Variants in DMD observed in about 807,000 individuals in gnomAD.
DMD encodes dystrophin.
A neutral mutation model predicts 330.1 loss-of-function variants in DMD; 63 were observed. That is an observed-to-expected ratio of 0.19 (90% confidence interval 0.16 to 0.24). The LOEUF is 0.24. Ranked by LOEUF, DMD falls within the 10% of genes least tolerant of loss-of-function variation. The pLI is 1.00. For missense variants in DMD, 3,344 were observed against 2,684.1 expected, an observed-to-expected ratio of 1.25 and a Z score of -5.43; for synonymous variants, 1,223 against 959.8, an observed-to-expected ratio of 1.27 and a Z score of -5.07.
chrX:33,131,514 T>C (rs1010236018), intron 1 of DMD, among the ~76,000 whole-genome samples: 1 of 111,514 alleles, frequency 9.0e-6, no homozygotes, highest in African/African-American at 3.3e-5. Flanking sequence ...ACTTAGGCCT[T>C]TGCACATTTA....
chrX:32,054,781 T>C (rs1009387366), intron 44 of DMD, among the ~76,000 whole-genome samples: 2 of 103,999 alleles, frequency 1.9e-5, no homozygotes, highest in South Asian at 4.7e-4. Context: ...TTTAATAGTA[T>C]TATGTATTCT....
rs765549602 is a variant in DMD, at chrX:33,282,264, T to C, written c.7+56995A>G. Among the ~76,000 whole-genome samples, 3 of 112,028 alleles carry C rather than the reference T, an allele frequency of 2.7e-5. No homozygotes were observed. The East Asian group carries it at 8.5e-4, about 32-fold the overall frequency. On this transcript the variant is annotated intron_variant, in intron 1 of 17. Transcript: ENST00000288447. ...TTCCTGTCGGAAAAGAGAGCCTCAG[T>C]TCTGCAGGTATGAAGAGGCTTCAGT...
chrX:31,939,537 T>C (rs2094965460), intron 45 of DMD, among the ~76,000 whole-genome samples: 1 of 111,795 alleles, frequency 8.9e-6, no homozygotes, highest in Non-Finnish European at 1.9e-5. Context: ...GGCGAGTTCC[T>C]TAATCTCTTT....
chrX:31,145,617 C>T (rs1412991827), intron 76 of DMD, among the ~76,000 whole-genome samples: 1 of 110,167 alleles, frequency 9.1e-6, no homozygotes, highest in Non-Finnish European at 1.9e-5. Context: ...TCCCTTCATT[C>T]CTCTTCTTAC....
intron 64 of DMD, among the ~76,000 whole-genome samples, chrX:31,222,470 A>C (rs2046207484): frequency 1.8e-5 from 2 of 109,273 alleles, no homozygotes; most frequent in Admixed American, 9.7e-5. Flanking sequence ...TCATCAATGC[A>C]CACAGACCCT....
chrX:31,971,731 A>T (rs1824798380), intron 44 of DMD, among the ~76,000 whole-genome samples: 1 of 112,043 alleles, frequency 8.9e-6, no homozygotes, highest in African/African-American at 3.2e-5. Context: ...AATCAACTTT[A>T]TTCACACAGT....
intron 1 of DMD, among the ~76,000 whole-genome samples, chrX:33,250,882 T>A (rs1446383048): frequency 4.5e-5 from 5 of 111,071 alleles, no homozygotes; most frequent in African/African-American, 1.6e-4. Flanking sequence ...GCAAAAAAGA[T>A]GTCAAATATT....
At chrX:31,609,770 C>T (rs1199275791) in intron 55 of DMD, among the ~76,000 whole-genome samples, 2 of 111,539 alleles carry the variant, frequency 1.8e-5, no homozygotes, top group Non-Finnish European at 3.8e-5. Flanking sequence ...TTCAACTCCT[C>T]TGCCCCTACC....
chrX:32,107,468 A>G (rs1269694841), intron 44 of DMD, among the ~76,000 whole-genome samples: 1 of 108,319 alleles, frequency 9.2e-6, no homozygotes, highest in Non-Finnish European at 1.9e-5. Context: ...AGGGTGAACA[A>G]GCAAGCTGGA....
intron 51 of DMD, among the ~76,000 whole-genome samples, chrX:31,740,401 A>G (rs1187841936): frequency 1.8e-5 from 2 of 111,977 alleles, no homozygotes; most frequent in African/African-American, 6.5e-5. Flanking sequence ...CATAAGTGAT[A>G]TAATTTTTTC....
intron 9 of DMD, among the ~76,000 whole-genome samples, chrX:32,665,554 T>C (rs7052510): frequency 3.2e-3 from 363 of 112,241 alleles, no homozygotes; most frequent in African/African-American, 0.011. Flanking sequence ...GTATCAACTA[T>C]GTATTAATCA....
intron 60 of DMD, among the ~76,000 whole-genome samples, chrX:31,359,544 CAAT>C (rs1370924071): frequency 8.9e-6 from 1 of 112,352 alleles, no homozygotes; most frequent in African/African-American, 3.2e-5. Flanking sequence ...ACACTACCAA[CAAT>C]GACAGTAATA....
At chrX:31,622,885 C>T (rs1603429340) in intron 55 of DMD, among the ~76,000 whole-genome samples, 1 of 102,290 alleles carries the variant, frequency 9.8e-6, no homozygotes, top group East Asian at 3.1e-4. Context: ...TATACACACA[C>T]ACACACACAC....
intron 5 of DMD, among the ~76,000 whole-genome samples, chrX:32,818,272 A>G (rs1157997857): frequency 8.9e-6 from 1 of 112,011 alleles, no homozygotes; most frequent in African/African-American, 3.2e-5. Flanking sequence ...AAAGGACAAC[A>G]AAGTATTCAA....
chrX:31,762,439 C>G (rs2089672729), intron 51 of DMD, among the ~76,000 whole-genome samples: 1 of 110,831 alleles, frequency 9.0e-6, no homozygotes, highest in African/African-American at 3.3e-5. Flanking sequence ...CGTGGTGGTG[C>G]GTTCCCGTAA....
At chrX:32,388,494 C>T (rs1392098666) in intron 32 of DMD, among the ~76,000 whole-genome samples, 1 of 109,031 alleles carries the variant, frequency 9.2e-6, no homozygotes, top group Non-Finnish European at 1.9e-5. Context: ...CACTAAAATG[C>T]AGCTTGAATT....
intron 44 of DMD, among the ~76,000 whole-genome samples, chrX:32,117,934 G>C (rs561049911): frequency 2.7e-5 from 3 of 111,139 alleles, no homozygotes; most frequent in African/African-American, 9.8e-5. Context: ...ATCTCAGAGG[G>C]CATGTGGAGC....
intron 44 of DMD, among the ~76,000 whole-genome samples, chrX:32,107,801 T>C (rs1378414796): frequency 9.0e-6 from 1 of 111,292 alleles, no homozygotes; most frequent in Non-Finnish European, 1.9e-5. Flanking sequence ...CTGGGCACCT[T>C]GTAGCCCAGT....
chrX:31,149,524 G>A (rs2037133587), intron 74 of DMD, among the ~76,000 whole-genome samples: 1 of 112,191 alleles, frequency 8.9e-6, no homozygotes, highest in Non-Finnish European at 1.9e-5. Context: ...GAATTCATAG[G>A]TTAAACTGGG....
Sources: gnomAD v4.1 joint callset for allele counts (sites outside exome capture counted in the v4.1 genomes callset) on GRCh38, gnomAD v4.1.1 for gene constraint, MANE v1.5 for transcripts, NCBI Gene and HGNC (gene_info 2026-07-23, HGNC 2026-07-21) for gene names.